The following RC3H1 variants were observed in gnomAD, a reference collection of about 807,000 sequenced individuals.
RC3H1 encodes ring finger and CCCH-type domains 1, also known as roquin-1.
A neutral mutation model predicts 138.2 loss-of-function variants in RC3H1; 50 were observed. The observed-to-expected ratio is 0.36, with a 90% CI of 0.29 to 0.46. The LOEUF (loss-of-function observed/expected upper bound fraction) is 0.46. Ranked by LOEUF, RC3H1 falls within the 20% of genes least tolerant of loss-of-function variation. The pLI is 1.00. For synonymous variants in RC3H1, 462 were observed against 489.1 expected (o/e 0.94, Z 0.73); for missense variants, 1,031 against 1,388.1 (o/e 0.74, Z 4.09).
At chr1:174,000,588 G>A (rs910696779) in intron 1 of RC3H1, among the ~76,000 whole-genome samples, 62 of 152,180 alleles carry the variant, frequency 4.1e-4, no homozygotes, top group African/African-American at 1.3e-3. Context: ...CACACTGTCT[G>A]TAAGAAGAAA....
intron 1 of RC3H1, among the ~76,000 whole-genome samples, chr1:174,011,910 T>C (rs949977645): frequency 3.3e-5 from 5 of 152,144 alleles, no homozygotes; most frequent in African/African-American, 1.2e-4. Flanking sequence ...AAATTAGTTT[T>C]TGTCATCTAA....
At chr1:173,972,426 G>T in intron 8 of RC3H1, 83 bp downstream of exon 8, 1 of 860,124 alleles carries the variant, frequency 1.2e-6, no homozygotes, top group Non-Finnish European at 1.9e-6. Context: ...CTTTGTATCT[G>T]TAGGTATACC....
chr1:173,987,918 C>T (rs372453782), intron 2 of RC3H1, among the ~76,000 whole-genome samples: 1 of 152,148 alleles, frequency 6.6e-6, no homozygotes, highest in East Asian at 1.9e-4. Flanking sequence ...CAATCATTTC[C>T]CATTCACTTA....
At chr1:173,979,845 T>C (rs748827801) in intron 6 of RC3H1, among the ~76,000 whole-genome samples, 6 of 152,172 alleles carry the variant, frequency 3.9e-5, no homozygotes, top group East Asian at 1.9e-4. Context: ...GGAAGACTTA[T>C]AGAGCAGAGC....
intron 1 of RC3H1, among the ~76,000 whole-genome samples, chr1:174,020,659 A>C (rs1661940436): frequency 6.6e-6 from 1 of 152,226 alleles, no homozygotes; most frequent in African/African-American, 2.4e-5. Flanking sequence ...AAAGTACTTT[A>C]GAAATAAATC....
chr1:173,939,992 A>C (rs560782958), intron 19 of RC3H1, among the ~76,000 whole-genome samples: 1 of 152,220 alleles, frequency 6.6e-6, no homozygotes, highest in African/African-American at 2.4e-5. Flanking sequence ...AAATAATTTA[A>C]GATATGCAAA....
chr1:173,947,554 T>C lies in RC3H1; in HGVS notation c.2552A>G (p.Gln851Arg). 6.2e-7 allele frequency: 1 copy of C among 1,614,046 alleles called. No individual in the cohort carries two copies. Among genetic ancestry groups the C allele is most frequent in the Non-Finnish European group, 8.5e-7 (1 of 1,180,004 alleles). ...MNVESKGMRD[Q>R]RLDLQRRAAE... The stretch of plus-strand genomic sequence containing the variant: ...TGCTCTTCTCTGAAGATCTAATCGC[T>C]GGTCCCTCATTCCTTTACTCTCCAC... Residue 851 changes from glutamine to arginine, a missense_variant, in exon 15 of 20, where the codon CAG (glutamine) becomes CGG (arginine). Transcript: ENST00000367696.
intron 4 of RC3H1, 29 bp downstream of exon 4, chr1:173,983,389 A>C: frequency 6.2e-7 from 1 of 1,611,152 alleles, no homozygotes; most frequent in Non-Finnish European, 8.5e-7. Context: ...AATTACCAGC[A>C]GAATAAATAC....
At chr1:173,957,607 T>TGG in intron 13 of RC3H1, among the ~76,000 whole-genome samples, 1 of 152,290 alleles carries the variant, frequency 6.6e-6, no homozygotes, top group South Asian at 2.1e-4. Context: ...TGGAGTGCAG[T>TGG]AGCACAATCA....
chr1:173,973,507 TC>T (rs1660452839), intron 7 of RC3H1, among the ~76,000 whole-genome samples: 1 of 145,004 alleles, frequency 6.9e-6, no homozygotes, highest in African/African-American at 2.6e-5. Flanking sequence ...CTGCACTCCA[TC>T]CTGGTGACAG....
At chr1:173,973,817 G>C (rs1660463727) in intron 7 of RC3H1, among the ~76,000 whole-genome samples, 1 of 152,074 alleles carries the variant, frequency 6.6e-6, no homozygotes, top group Non-Finnish European at 1.5e-5. Flanking sequence ...AAAAGGTGAA[G>C]AAAACAAGTA....
chr1:173,992,073 A>T (rs1223587377), intron 2 of RC3H1, among the ~76,000 whole-genome samples: 1 of 152,186 alleles, frequency 6.6e-6, no homozygotes, highest in East Asian at 1.9e-4. Context: ...CACCTTCTCT[A>T]CTGAGTAAAG....
rs1219168356 is a variant in RC3H1 at position 173,972,605 on chromosome 1, T to C, written c.1125A>G (p.Glu375=). ...PSPDAPPPTW[E]QLENGLVAVR... is the part of the protein sequence containing the mutation. ...CAGCAACCAGCCCATTTTCCAGCTG[T>C]TCCCAAGTAGGAGGAGGAGCATCTA... is the stretch of plus-strand genomic sequence containing the variant. Residue 375 remains glutamate (E), a synonymous_variant, in exon 8 of 20, where the codon GAA becomes GAG. Coordinates refer to ENST00000367696, the MANE Select transcript of RC3H1 (RefSeq NM_172071.4). 1 of 1,613,522 alleles carries C rather than the reference T, an allele frequency of 6.2e-7. No homozygotes were observed. Among genetic ancestry groups the C allele is most frequent in the Middle Eastern group, 1.7e-4 (1 of 6,060 alleles).
chr1:173,968,753 T>C (rs922680994), intron 9 of RC3H1, among the ~76,000 whole-genome samples: 1 of 152,150 alleles, frequency 6.6e-6, no homozygotes, highest in Non-Finnish European at 1.5e-5. Context: ...AATCGAATAT[T>C]TTACTAATTA....
chr1:173,931,508 C>T lies in RC3H1; in HGVS notation c.*7213G>A, dbSNP rs963539362. On this transcript the variant is annotated 3_prime_UTR_variant, in exon 20 of 20. Transcript: ENST00000367696. ...AGATGGCCCTAGTACTCTCAAAAAT[C>T]GGCAACAAGTGGGAACATGTACTTA... The T allele has an allele frequency of 6.6e-6, 1 of 152,268 alleles. No homozygotes were observed. The highest frequency in any genetic ancestry group is 1.9e-4 in the East Asian group (1 of 5,182). The allele number at this position is 152,268 out of a possible 1,614,324, so 9.4% of individuals were successfully genotyped here.
intron 1 of RC3H1, among the ~76,000 whole-genome samples, chr1:173,994,982 G>A (rs1416784293): frequency 2.0e-5 from 3 of 152,026 alleles, no homozygotes; most frequent in African/African-American, 7.2e-5. Flanking sequence ...CATATAAACA[G>A]CAATCACATA....
intron 13 of RC3H1, among the ~76,000 whole-genome samples, chr1:173,959,975 G>C (rs969571375): frequency 1.3e-5 from 2 of 151,738 alleles, no homozygotes; most frequent in South Asian, 2.1e-4. Flanking sequence ...GGGCGTGGTG[G>C]TGCGTGCCTG....
intron 19 of RC3H1, among the ~76,000 whole-genome samples, chr1:173,940,354 C>G (rs1463315781): frequency 1.3e-5 from 2 of 152,050 alleles, no homozygotes; most frequent in African/African-American, 2.4e-5. Context: ...GCCTATAATC[C>G]CAGCTACTCG....
chr1:173,933,422 CTTTA>C lies in RC3H1; in HGVS notation c.*5295_*5298del, dbSNP rs2102812345. ...TATTCCTGGTGGTGATAGTCTTACT[CTTTA>C]TTAACACTATAGCTAGTATTACTTA... On this transcript the variant is annotated 3_prime_UTR_variant, in exon 20 of 20. Coordinates refer to ENST00000367696, the MANE Select transcript of RC3H1 (RefSeq NM_172071.4). 1 of 152,146 alleles carries C rather than the reference CTTTA, an allele frequency of 6.6e-6. No individual in the cohort carries two copies. Among genetic ancestry groups the C allele is most frequent in the South Asian group, 2.1e-4 (1 of 4,824 alleles). The allele number at this position is 152,146 out of a possible 1,614,324, so 9.4% of individuals were successfully genotyped here. A position where few individuals can be genotyped will look rare whatever the true frequency, so the allele number is the denominator to read the frequency against.
Sources: gnomAD v4.1 joint callset for allele counts (sites outside exome capture counted in the v4.1 genomes callset) on GRCh38, gnomAD v4.1.1 for gene constraint, MANE v1.5 for transcripts, NCBI Gene and HGNC (gene_info 2026-07-23, HGNC 2026-07-21) for gene names.